GRIA2: variants seen among roughly 807,000 people sequenced by gnomAD.
GRIA2 encodes the protein glutamate ionotropic receptor AMPA type subunit 2, also known as glutamate receptor 2.
In GRIA2, 14 loss-of-function variants were observed where a neutral mutation model predicts 97.3. The observed-to-expected ratio is 0.14, with a 90% confidence interval of 0.10 to 0.23. GRIA2 has a LOEUF of 0.23. Among genes scored for constraint, GRIA2 ranks in the 10% least tolerant of loss-of-function variants. GRIA2 has a pLI of 1.00. For synonymous variants in GRIA2, 412 were observed against 387.8 expected (o/e 1.06, Z -0.73); for missense variants, 558 against 1,069.8 (o/e 0.52, Z 6.67).
chr4:157,355,875 T>TTATATATAAA (rs1736273601), intron 12 of GRIA2, among the ~76,000 whole-genome samples: 1 of 53,136 alleles, frequency 1.9e-5, no homozygotes, highest in Non-Finnish European at 3.6e-5. Flanking sequence ...ATTAACATAT[T>TTATATATAAA]TATATATATT....
chr4:157,333,340 A>C lies in GRIA2; in HGVS notation c.1142A>C (p.Asn381Thr), dbSNP rs370184465. ...ATTAACATCATGGAGCTCAAAACTA[A>C]TGGGCCCCGGAAGGTAAATCCTTAG... ...YTINIMELKT[N>T]GPRKIGYWSE... is the part of the protein sequence containing the mutation. Residue 381 changes from asparagine (N) to threonine (T), a missense_variant, in exon 8 of 16, where the codon AAT becomes ACT. Asn to Thr is a moderately conservative substitution (Grantham distance 65). Coordinates refer to ENST00000264426, the MANE Select transcript of GRIA2 (RefSeq NM_001083619.3). 7.8e-5 allele frequency: 123 copies of C among 1,576,248 alleles called. No homozygotes were observed. The highest frequency in any genetic ancestry group is 1.1e-4 in the Non-Finnish European group (121 of 1,150,508).
At chr4:157,310,921 A>G (rs770644379) in intron 3 of GRIA2, among the ~76,000 whole-genome samples, 129 of 152,082 alleles carry the variant, frequency 8.5e-4, no homozygotes, top group Non-Finnish European at 1.5e-3. Flanking sequence ...AGCCAACACT[A>G]AATAGGTATA....
intron 2 of GRIA2, among the ~76,000 whole-genome samples, chr4:157,270,425 T>A (rs1351015458): frequency 6.6e-6 from 1 of 152,160 alleles, no homozygotes; most frequent in South Asian, 2.1e-4. Context: ...AATTGTTGAA[T>A]AGTTAAAATG....
rs190219012 is a variant in GRIA2 at position 157,292,779 on chromosome 4, G to T, written c.230-10773G>T. On this transcript the variant is annotated intron_variant, in intron 2 of 15. Transcript: ENST00000264426. ...ATCAGTGAGGTGGCTGATGAAACCA[G>T]CTCTGGAGTCAGGCTGCCTGGGTTG... is the stretch of plus-strand genomic sequence containing the variant. Among the ~76,000 whole-genome samples, 857 of 152,194 alleles carry T rather than the reference G, an allele frequency of 5.6e-3. 6 individuals are homozygous for T. The highest frequency in any genetic ancestry group is 0.01 in the Admixed American group (155 of 15,262).
intron 2 of GRIA2, among the ~76,000 whole-genome samples, chr4:157,265,350 G>A (rs1046474448): frequency 9.2e-5 from 14 of 152,116 alleles, no homozygotes; most frequent in Non-Finnish European, 1.8e-4. Flanking sequence ...TAATTACCTC[G>A]CATGAATCTG....
At position 157,303,546 on chromosome 4, in the gene GRIA2, T is replaced by C; in HGVS notation, c.230-6T>C. The C allele has an allele frequency of 1.2e-6, 2 of 1,612,810 alleles. No homozygotes were observed. Among genetic ancestry groups the C allele is most frequent in the Non-Finnish European group, 1.7e-6 (2 of 1,178,880 alleles). ...TTTTTCCTTTCTATTTTTCCTATTC[T>C]TCTAGTCTGCTCCCAGTTTTCGAGA... On this transcript the variant is annotated splice_polypyrimidine_tract_variant and splice_region_variant and intron_variant, in intron 2 of 15. Coordinates refer to ENST00000264426, the MANE Select transcript of GRIA2 (RefSeq NM_001083619.3).
chr4:157,291,536 A>G (rs1010194779), intron 2 of GRIA2, among the ~76,000 whole-genome samples: 2 of 151,982 alleles, frequency 1.3e-5, no homozygotes, highest in South Asian at 4.1e-4. Flanking sequence ...CATCTATTGA[A>G]AAGGAAGAAT....
intron 2 of GRIA2, among the ~76,000 whole-genome samples, chr4:157,271,857 TA>T (rs1321181427): frequency 6.6e-5 from 10 of 152,104 alleles, no homozygotes; most frequent in Non-Finnish European, 1.0e-4. Context: ...TAAGGATTTT[TA>T]GGAGTTGTTT....
intron 12 of GRIA2, among the ~76,000 whole-genome samples, chr4:157,344,462 T>A (rs1183258871): frequency 1.3e-5 from 2 of 152,076 alleles, no homozygotes; most frequent in Non-Finnish European, 2.9e-5. Context: ...ATGGGTGAAG[T>A]GGGCTAAAGC....
At chr4:157,344,251 G>C (rs1020502333) in intron 12 of GRIA2, among the ~76,000 whole-genome samples, 1 of 152,054 alleles carries the variant, frequency 6.6e-6, no homozygotes, top group Non-Finnish European at 1.5e-5. Context: ...TTGAATTACT[G>C]ACTTTCTGTG....
At chr4:157,302,176 CAA>C (rs1209652829) in intron 2 of GRIA2, among the ~76,000 whole-genome samples, 22 of 67,038 alleles carry the variant, frequency 3.3e-4, no homozygotes, top group Admixed American at 5.0e-4. Flanking sequence ...GACTGTGTCT[CAA>C]AAAAAAAAAA....
intron 2 of GRIA2, among the ~76,000 whole-genome samples, chr4:157,289,234 A>G (rs1389577859): frequency 2.0e-5 from 3 of 151,940 alleles, no homozygotes; most frequent in African/African-American, 7.2e-5. Flanking sequence ...AAAATTTTCC[A>G]GAATAATGTG....
At chr4:157,267,620 T>G (rs1398561337) in intron 2 of GRIA2, among the ~76,000 whole-genome samples, 1 of 151,894 alleles carries the variant, frequency 6.6e-6, no homozygotes, top group Admixed American at 6.6e-5. Flanking sequence ...TGTATGTGAG[T>G]GGTTAGTTTA....
intron 2 of GRIA2, among the ~76,000 whole-genome samples, chr4:157,255,156 G>A (rs974606312): frequency 6.6e-6 from 1 of 151,666 alleles, no homozygotes; most frequent in African/African-American, 2.4e-5. Flanking sequence ...TATAAATAAG[G>A]TCATGTAGTA....
chr4:157,248,236 CAG>C (rs963193161), intron 2 of GRIA2, among the ~76,000 whole-genome samples: 1 of 151,062 alleles, frequency 6.6e-6, no homozygotes, highest in Non-Finnish European at 1.5e-5. Flanking sequence ...ATATTAAAAA[CAG>C]ATAAAGTTTA....
intron 2 of GRIA2, among the ~76,000 whole-genome samples, chr4:157,241,166 TCTC>T (rs1452423670): frequency 2.0e-5 from 3 of 152,102 alleles, no homozygotes; most frequent in African/African-American, 7.2e-5. Flanking sequence ...TGGTTTTAAT[TCTC>T]CTCTCATATG....
At chr4:157,245,824 A>G (rs1025544231) in intron 2 of GRIA2, among the ~76,000 whole-genome samples, 5 of 152,108 alleles carry the variant, frequency 3.3e-5, no homozygotes, top group Non-Finnish European at 7.4e-5. Flanking sequence ...CAACCCTCTG[A>G]GAAAGAGACA....
chr4:157,281,255 T>C (rs932080921), intron 2 of GRIA2, among the ~76,000 whole-genome samples: 1 of 152,128 alleles, frequency 6.6e-6, no homozygotes, highest in Non-Finnish European at 1.5e-5. Flanking sequence ...TAATTGGTAT[T>C]ACTAATTACT....
intron 2 of GRIA2, among the ~76,000 whole-genome samples, chr4:157,261,963 T>C (rs1325709258): frequency 6.6e-6 from 1 of 152,108 alleles, no homozygotes; most frequent in Non-Finnish European, 1.5e-5. Context: ...CCATGCGCTT[T>C]ACTGGTTATA....
Sources: allele counts gnomAD v4.1 joint callset (sites outside exome capture counted in the v4.1 genomes callset), GRCh38; gene constraint gnomAD v4.1.1; transcripts MANE v1.5; gene names NCBI Gene and HGNC (gene_info 2026-07-23, HGNC 2026-07-21).